The following FAM222B variants were observed in gnomAD, a reference collection of about 807,000 sequenced individuals.
FAM222B encodes the protein family with sequence similarity 222 member B, also known as protein FAM222B.
FAM222B carries 12 observed loss-of-function variants against 38.0 expected under a neutral mutation model. The ratio of observed to expected loss-of-function variants is 0.32; its 90% CI spans 0.20 to 0.51. The LOEUF (loss-of-function observed/expected upper bound fraction) is 0.51, where lower values mean the gene tolerates loss of function less well. Among genes scored for constraint, FAM222B ranks in the 20% least tolerant of loss-of-function variants. The pLI is 0.97. For missense variants in FAM222B, 716 were observed against 754.2 expected, an observed-to-expected ratio of 0.95 and a Z score of 0.59; for synonymous variants, 329 against 317.2, an observed-to-expected ratio of 1.04 and a Z score of -0.40.
At chr17:28,844,921 T>G (rs1309057682), upstream of FAM222B, among the ~76,000 whole-genome samples, 1 of 150,812 alleles carries the variant, frequency 6.6e-6, no homozygotes, top group African/African-American at 2.4e-5. Flanking sequence ...GCCAACACGG[T>G]GAAACCCTGT....
chr17:28,774,984 C>CA (rs1181404624), intron 1 of FAM222B, among the ~76,000 whole-genome samples: 2 of 138,628 alleles, frequency 1.4e-5, no homozygotes, highest in African/African-American at 5.4e-5. Flanking sequence ...ATAAAACAAA[C>CA]AAAAAAAATC....
At chr17:28,844,013 C>T (rs2099448190), upstream of FAM222B, among the ~76,000 whole-genome samples, 1 of 152,182 alleles carries the variant, frequency 6.6e-6, no homozygotes, top group South Asian at 2.1e-4. Context: ...TAGTCCCCTG[C>T]TTTCCAGCTC....
intron 1 of FAM222B, among the ~76,000 whole-genome samples, chr17:28,841,474 G>C (rs2039036230): frequency 6.6e-6 from 1 of 151,962 alleles, no homozygotes; most frequent in African/African-American, 2.4e-5. Context: ...TCCCGGGTTC[G>C]AGTGATTCCC....
chr17:28,849,784 TA>T (rs768882307), intron 1 of FAM222B, among the ~76,000 whole-genome samples: 2 of 152,018 alleles, frequency 1.3e-5, no homozygotes, highest in Non-Finnish European at 2.9e-5. Context: ...AGTTGAAATG[TA>T]AAAATTCCCC....
intron 1 of FAM222B, among the ~76,000 whole-genome samples, chr17:28,770,164 A>T (rs2035554896): frequency 6.6e-6 from 1 of 152,150 alleles, no homozygotes; most frequent in Non-Finnish European, 1.5e-5. Flanking sequence ...ACTAGGATAT[A>T]AACTCAGTAA....
chr17:28,777,615 C>T (rs1470149246), intron 1 of FAM222B, among the ~76,000 whole-genome samples: 1 of 152,098 alleles, frequency 6.6e-6, no homozygotes, highest in Non-Finnish European at 1.5e-5. Context: ...TGTTTAATAA[C>T]TTTTACTGGC....
chr17:28,823,833 G>A (rs1286031525), intron 1 of FAM222B, among the ~76,000 whole-genome samples: 1 of 151,386 alleles, frequency 6.6e-6, no homozygotes, highest in Non-Finnish European at 1.5e-5. Flanking sequence ...TCTCCATTTG[G>A]ATACCTAACA....
chr17:28,794,850 C>T (rs1161540533), intron 1 of FAM222B, among the ~76,000 whole-genome samples: 3 of 151,822 alleles, frequency 2.0e-5, no homozygotes, highest in Non-Finnish European at 4.4e-5. Context: ...CCCAGCACTT[C>T]GGGAGGCTGA....
intron 1 of FAM222B, among the ~76,000 whole-genome samples, chr17:28,784,777 C>T (rs1452751511): frequency 1.3e-5 from 2 of 152,102 alleles, no homozygotes; most frequent in African/African-American, 4.8e-5. Flanking sequence ...TTGCAGTGAG[C>T]TGCTCTGTCA....
chr17:28,766,761 A>G (rs2035349186), intron 1 of FAM222B, 54 bp from the exon 2 acceptor site: 1 of 1,030,420 alleles, frequency 9.7e-7, no homozygotes, highest in Non-Finnish European at 1.5e-6. Context: ...TTCGAAGAAG[A>G]GAGTAGGAAC....
At chr17:28,853,390 G>C (rs1296517643) in intron 1 of FAM222B, among the ~76,000 whole-genome samples, 1 of 151,532 alleles carries the variant, frequency 6.6e-6, no homozygotes, top group Non-Finnish European at 1.5e-5. Flanking sequence ...AAGAAAGAAT[G>C]GGAGAAGAGA....
intron 1 of FAM222B, among the ~76,000 whole-genome samples, chr17:28,797,827 C>T (rs2037015030): frequency 6.6e-6 from 1 of 152,010 alleles, no homozygotes; most frequent in South Asian, 2.1e-4. Context: ...ATTTAGGAGG[C>T]TGAGGCAGGA....
intron 1 of FAM222B, among the ~76,000 whole-genome samples, chr17:28,791,727 T>C (rs1007404513): frequency 6.9e-6 from 1 of 144,416 alleles, no homozygotes; most frequent in Non-Finnish European, 1.5e-5. Context: ...GAGTGCGATC[T>C]CGGCTCACTA....
At chr17:28,784,891 C>T (rs1275314739) in intron 1 of FAM222B, among the ~76,000 whole-genome samples, 1 of 151,936 alleles carries the variant, frequency 6.6e-6, no homozygotes, top group Non-Finnish European at 1.5e-5. Flanking sequence ...GGTGGGACTA[C>T]AGGTGTGAGC....
At chr17:28,836,082 C>T (rs916451404) in intron 1 of FAM222B, among the ~76,000 whole-genome samples, 7 of 151,852 alleles carry the variant, frequency 4.6e-5, no homozygotes, top group East Asian at 1.9e-4. Context: ...CTCCGCCTCC[C>T]GTGTTCAAAC....
chr17:28,761,098 CT>C (rs1431659182), intron 2 of FAM222B, among the ~76,000 whole-genome samples: 13 of 152,226 alleles, frequency 8.5e-5, no homozygotes, highest in Admixed American at 8.5e-4. Context: ...GAGGAAAAAC[CT>C]GCCTGCCTTT....
At chr17:28,796,234 C>G (rs1195670122) in intron 1 of FAM222B, among the ~76,000 whole-genome samples, 6 of 152,204 alleles carry the variant, frequency 3.9e-5, no homozygotes, top group Non-Finnish European at 8.8e-5. Flanking sequence ...GAACTAACAC[C>G]CTAAGCGGAG....
rs372227987 is a variant in FAM222B at position 28,771,448 on chromosome 17, G to A, written c.-40-4741C>T. 1.9e-4 allele frequency among the ~76,000 whole-genome samples: 29 copies of A among 152,212 alleles called. 1 individual carries two copies. Among genetic ancestry groups the A allele is most frequent in the African/African-American group, 5.8e-4 (24 of 41,536 alleles). On this transcript the variant is annotated intron_variant, in intron 1 of 2. Transcript: ENST00000581407. ...TGTAATCCCAGCACTTTGGGAGGCC[G>A]AGGCAGGGGGATCACAAGGTCAGGA... is the stretch of plus-strand genomic sequence containing the variant.
chr17:28,840,132 T>C (rs986496118), intron 1 of FAM222B, among the ~76,000 whole-genome samples: 4 of 152,116 alleles, frequency 2.6e-5, no homozygotes, highest in African/African-American at 4.8e-5. Flanking sequence ...TCCCAGCACT[T>C]TGGGAGGCCG....
Sources: allele counts gnomAD v4.1 joint callset (sites outside exome capture counted in the v4.1 genomes callset), GRCh38; gene constraint gnomAD v4.1.1; transcripts MANE v1.5; gene names NCBI Gene and HGNC (gene_info 2026-07-23, HGNC 2026-07-21).